Variants in MCCC2 observed in about 807,000 individuals in gnomAD.
MCCC2 encodes the protein methylcrotonyl-CoA carboxylase subunit 2.
A neutral mutation model predicts 77.2 loss-of-function variants in MCCC2; 52 were observed. The ratio of observed to expected loss-of-function variants is 0.67; its 90% CI spans 0.54 to 0.85. The LOEUF (loss-of-function observed/expected upper bound fraction) is 0.85, where lower values mean the gene tolerates loss of function less well. MCCC2 is among the 40% of genes least tolerant of loss of function. MCCC2 has a pLI of 0.00. For missense variants in MCCC2, 682 were observed against 703.2 expected (o/e 0.97, Z 0.34); for synonymous variants, 253 against 248.4 (o/e 1.02, Z -0.18).
In MCCC2 at chr5:71,591,464, T is replaced by G. The variant is rs368824724; in HGVS notation, c.130-1462T>G. Among the ~76,000 whole-genome samples the G allele has an allele frequency of 2.6e-3, 396 of 150,506 alleles. 3 individuals are homozygous for G. Among genetic ancestry groups the G allele is most frequent in the African/African-American group, 9.1e-3 (372 of 40,866 alleles). On this transcript the variant is annotated intron_variant, in intron 1 of 16. Transcript: ENST00000340941. ...TTTTTTTTTTTTTTTGAGATGGAGT[T>G]TTGCTCTTGTTGCCCAGGCTGGAGT...
chr5:71,587,408 C>T lies in MCCC2; in HGVS notation c.-18C>T, dbSNP rs1419152447. The T allele has an allele frequency of 1.3e-6, 2 of 1,533,024 alleles. No individual in the cohort carries two copies. Among genetic ancestry groups the T allele is most frequent in the Non-Finnish European group, 1.7e-6 (2 of 1,145,760 alleles). The allele number at this position is 1,533,024 out of a possible 1,614,324, so 95.0% of individuals were successfully genotyped here. ...TCCAGGCCAGCGTGGGCCGCTCTCT[C>T]GCTCGGTGCCCGCCGCCATGTGGGC... On this transcript the variant is annotated 5_prime_UTR_variant, in exon 1 of 17. Transcript: ENST00000340941.
In MCCC2 at chr5:71,643,791, A is replaced by G. The variant is rs771511567; in HGVS notation, c.1073-28A>G. 44 of 1,613,994 alleles carry G rather than the reference A, an allele frequency of 2.7e-5. No individual in the cohort carries two copies. The Middle Eastern group carries it at 1.3e-3, about 48-fold the overall frequency. ...TGAAGCCCTTGGAAAAGCACAAGACATAAATCTTCTTTGAACTTTCTTTTG... is the reference window on the plus strand; with the variant it reads ...TGAAGCCCTTGGAAAAGCACAAGACGTAAATCTTCTTTGAACTTTCTTTTG... On this transcript the variant is annotated intron_variant, in intron 11 of 16. Transcript: ENST00000340941.
At chr5:71,649,718 C>T (rs1262137345) in intron 14 of MCCC2, among the ~76,000 whole-genome samples, 2 of 152,050 alleles carry the variant, frequency 1.3e-5, no homozygotes, top group African/African-American at 4.8e-5. Context: ...TTTGAAAGTT[C>T]AACAAACTTG....
intron 3 of MCCC2, among the ~76,000 whole-genome samples, chr5:71,598,774 C>T (rs2112304873): frequency 1.4e-5 from 2 of 147,560 alleles, no homozygotes; most frequent in East Asian, 4.1e-4. Flanking sequence ...TTTTTTGAGA[C>T]AGGGTCTCAT....
chr5:71,652,750 G>A lies in MCCC2; in HGVS notation c.1570G>A (p.Ala524Thr), dbSNP rs774241918. 1.4e-5 allele frequency: 22 copies of A among 1,613,752 alleles called. No homozygotes were observed. Among genetic ancestry groups the A allele is most frequent in the South Asian group, 5.5e-5 (5 of 91,072 alleles). The change falls in exon 16 of 17, where the codon GCA becomes ACA. Residue 524 changes from alanine to threonine, a missense_variant. Physicochemically the swap from Ala to Thr is moderately conservative, Grantham distance 58. Coordinates refer to ENST00000340941, the MANE Select transcript of MCCC2 (RefSeq NM_022132.5). ...GGAAGGAAACCCTTACTATTCCAGC[G>A]CAAGGTGGGGGCCAGAACATCACTA... is the stretch of plus-strand genomic sequence containing the variant. ...EEEGNPYYSSARVWDDGIIDP... is the reference protein window; with the variant it reads ...EEEGNPYYSSTRVWDDGIIDP...
intron 6 of MCCC2, among the ~76,000 whole-genome samples, chr5:71,618,686 A>G (rs1746264098): frequency 6.6e-6 from 1 of 152,054 alleles, no homozygotes; most frequent in Non-Finnish European, 1.5e-5. Context: ...ATGCCAGGCC[A>G]AATTTCTTTT....
chr5:71,638,299 A>G (rs1746999176), intron 10 of MCCC2, among the ~76,000 whole-genome samples: 1 of 152,198 alleles, frequency 6.6e-6, no homozygotes, highest in Non-Finnish European at 1.5e-5. Context: ...ATCCATTGAA[A>G]TCTTGAACCC....
chr5:71,649,242 CA>C lies in MCCC2; in HGVS notation c.1363del (p.Arg455GlufsTer18). 6.2e-7 allele frequency: 1 copy of C among 1,613,968 alleles called. No individual in the cohort carries two copies. Among genetic ancestry groups the C allele is most frequent in the East Asian group, 2.2e-5 (1 of 44,880 alleles). On this transcript the variant is annotated frameshift_variant, in exon 14 of 17. Transcript: ENST00000340941. LOFTEE classifies it high-confidence loss of function. ...YGAGNYGMCG[R>X]AYSPRFLYIW... ...GAGCCGGAAACTATGGGATGTGTGG[CA>C]GAGCATATAGGTAGGTGTCATGATT...
At position 71,633,129 on chromosome 5, in the gene MCCC2, A is replaced by ATTTTTTTTTTTTT. The variant is rs1215619050; in HGVS notation, c.803+945_803+946insTTTTTTTTTTTTT. Among the ~76,000 whole-genome samples, 155 of 81,924 alleles carry ATTTTTTTTTTTTT rather than the reference A, an allele frequency of 1.9e-3. 4 individuals carry two copies. Among genetic ancestry groups the ATTTTTTTTTTTTT allele is most frequent in the Admixed American group, 2.8e-3 (17 of 6,116 alleles). 53.7% of individuals were successfully genotyped at this position (81,924 alleles called of 152,430 possible). A position where few individuals can be genotyped will look rare whatever the true frequency, so the allele number is the denominator to read the frequency against. ...TATATATATATATATATATATATAT[A>ATTTTTTTTTTTTT]TATTTTTATTTTTTGTAGAAACAGG... On this transcript the variant is annotated intron_variant, in intron 8 of 16. Transcript: ENST00000340941.
intron 6 of MCCC2, among the ~76,000 whole-genome samples, chr5:71,605,727 C>T (rs1745644922): frequency 6.6e-6 from 1 of 151,970 alleles, no homozygotes; most frequent in Non-Finnish European, 1.5e-5. Flanking sequence ...ATGTTTAAGT[C>T]TTTAATCCAT....
At chr5:71,619,143 C>T (rs756273072) in intron 6 of MCCC2, among the ~76,000 whole-genome samples, 3 of 152,220 alleles carry the variant, frequency 2.0e-5, no homozygotes, top group Non-Finnish European at 4.4e-5. Flanking sequence ...CCCTCCTCCT[C>T]CCCGCTTGCC....
At position 71,604,579 on chromosome 5, in the gene MCCC2, A is replaced by G. The variant is rs933352635; in HGVS notation, c.624+111A>G. The G allele has an allele frequency of 1.9e-5, 16 of 826,332 alleles. No individual in the cohort carries two copies. In the South Asian group the frequency reaches 2.5e-4, roughly 13 times the overall value. 51.2% of individuals were successfully genotyped at this position (826,332 alleles called of 1,614,324 possible). The stretch of plus-strand genomic sequence containing the variant: ...TAAAACAGAATTTAACACAAAATCT[A>G]ATCTTTTTTTTTTTTTTATACTTTA... On this transcript the variant is annotated intron_variant, in intron 6 of 16. Coordinates refer to ENST00000340941, the MANE Select transcript of MCCC2 (RefSeq NM_022132.5).
In MCCC2 at chr5:71,656,781, G is replaced by T; in HGVS notation, c.1613G>T (p.Arg538Ile). ...GGGATCATTGATCCAGCAGACACCA[G>T]ACTGGTCTTGGGTCTCAGTTTTAGT... ...DDGIIDPADT[R>I]LVLGLSFSAA... Residue 538 changes from arginine (R) to isoleucine (I), a missense_variant, in exon 17 of 17, where the codon AGA becomes ATA. Transcript: ENST00000340941. The T allele has an allele frequency of 1.9e-6, 3 of 1,614,136 alleles. No individual in the cohort carries two copies. Among genetic ancestry groups the T allele is most frequent in the Non-Finnish European group, 2.5e-6 (3 of 1,179,996 alleles).
At chr5:71,611,754 G>A (rs1263679228) in intron 6 of MCCC2, among the ~76,000 whole-genome samples, 6 of 151,856 alleles carry the variant, frequency 4.0e-5, no homozygotes, top group East Asian at 1.9e-4. Flanking sequence ...GTAGATAGGC[G>A]CTTCAACTAT....
intron 1 of MCCC2, among the ~76,000 whole-genome samples, chr5:71,589,743 G>A (rs1448198132): frequency 6.6e-6 from 1 of 152,186 alleles, no homozygotes; most frequent in African/African-American, 2.4e-5. Context: ...AAGGCTTTAT[G>A]TGGTTTTACT....
chr5:71,632,874 C>G (rs1309970022), intron 8 of MCCC2, among the ~76,000 whole-genome samples: 3 of 152,038 alleles, frequency 2.0e-5, no homozygotes, highest in Non-Finnish European at 4.4e-5. Flanking sequence ...AGAAGACCCT[C>G]TACCTCCTAG....
intron 8 of MCCC2, among the ~76,000 whole-genome samples, chr5:71,634,028 C>T (rs1405534535): frequency 6.6e-6 from 1 of 152,158 alleles, no homozygotes; most frequent in Non-Finnish European, 1.5e-5. Flanking sequence ...CACTGAGAGC[C>T]TAGCTCTAAG....
At chr5:71,596,259 C>T (rs771251662) in intron 2 of MCCC2, 21 bp from the exon 3 acceptor site, 42 of 1,603,074 alleles carry the variant, frequency 2.6e-5, no homozygotes, top group Non-Finnish European at 3.4e-5. Flanking sequence ...CTAATCTAAT[C>T]TAATCACATT....
At chr5:71,612,035 ACCTCGTGATCCGCCCG>A (rs1488366868) in intron 6 of MCCC2, among the ~76,000 whole-genome samples, 1 of 151,670 alleles carries the variant, frequency 6.6e-6, no homozygotes, top group African/African-American at 2.4e-5. Flanking sequence ...TGATCTGCCG[ACCTCGTGATCCGCCCG>A]CCTCGGCCTC....
Sources: gnomAD v4.1 joint callset for allele counts (sites outside exome capture counted in the v4.1 genomes callset) on GRCh38, gnomAD v4.1.1 for gene constraint, MANE v1.5 for transcripts, NCBI Gene and HGNC (gene_info 2026-07-23, HGNC 2026-07-21) for gene names.